Variants in CMIP observed in about 807,000 individuals in gnomAD.
CMIP encodes c-Maf inducing protein.
A neutral mutation model predicts 97.3 loss-of-function variants in CMIP; 13 were observed. The ratio of observed to expected loss-of-function variants is 0.13; its 90% CI spans 0.09 to 0.21. CMIP has a LOEUF of 0.21. CMIP is among the 10% of genes least tolerant of loss of function. The pLI, the probability that CMIP is intolerant of heterozygous loss-of-function variation, is 1.00. For missense variants in CMIP, 847 were observed against 1,024.9 expected (o/e 0.83, Z 2.37); for synonymous variants, 538 against 436.3 (o/e 1.23, Z -2.91).
rs555323270 is a variant in CMIP at position 81,651,467 on chromosome 16, G to T, written c.478-736G>T. 4.6e-5 allele frequency: 36 copies of T among 780,946 alleles called. No individual in the cohort carries two copies. In the African/African-American group the frequency reaches 6.4e-4, roughly 14 times the overall value. The allele number at this position is 780,946 out of a possible 1,614,324, so 48.4% of individuals were successfully genotyped here. On this transcript the variant is annotated intron_variant, in intron 3 of 20. Coordinates refer to ENST00000537098, the MANE Select transcript of CMIP (RefSeq NM_198390.3). ...GTCTTCCTCACCAGGTGGATGCGGA[G>T]GGCAGCGCTGGATTTCCCGGGGGAG...
intron 4 of CMIP, among the ~76,000 whole-genome samples, chr16:81,656,475 A>G (rs2092483613): frequency 6.6e-6 from 1 of 152,234 alleles, no homozygotes; most frequent in Non-Finnish European, 1.5e-5. Flanking sequence ...ACAGACAAGC[A>G]AAGCAGAACA....
Position 81,445,548 on chromosome 16 carries a change from G to A in CMIP, c.300+7G>A. 1 of 1,538,608 alleles carries A rather than the reference G, an allele frequency of 6.5e-7. No homozygotes were observed. Among genetic ancestry groups the A allele is most frequent in the Non-Finnish European group, 8.7e-7 (1 of 1,143,396 alleles). ...CAGCCTGGCGTCCGCCACGGTGAGT[G>A]GCTCTGCGCGGCTGCACCCCCGCCT... is the stretch of plus-strand genomic sequence containing the variant. On this transcript the variant is annotated splice_region_variant and intron_variant, in intron 1 of 20. Transcript: ENST00000537098.
chr16:81,651,990 T>C (rs2151006120), intron 3 of CMIP, among the ~76,000 whole-genome samples: 1 of 152,214 alleles, frequency 6.6e-6, no homozygotes, highest in East Asian at 1.9e-4. Flanking sequence ...ATGAGTCTAG[T>C]GTCAGGAGGC....
At chr16:81,506,112 C>G (rs753921548) in intron 1 of CMIP, among the ~76,000 whole-genome samples, 2 of 152,200 alleles carry the variant, frequency 1.3e-5, no homozygotes, top group African/African-American at 2.4e-5. Flanking sequence ...CTCCTGCAAC[C>G]CTAACAGGTG....
intron 1 of CMIP, among the ~76,000 whole-genome samples, chr16:81,573,980 A>G (rs147429801): frequency 3.9e-5 from 6 of 152,020 alleles, no homozygotes; most frequent in African/African-American, 1.2e-4. Flanking sequence ...ACCCAAGCCT[A>G]GGCTTGACCC....
chr16:81,598,757 A>T (rs1160478313), intron 1 of CMIP, among the ~76,000 whole-genome samples: 1 of 152,170 alleles, frequency 6.6e-6, no homozygotes, highest in Non-Finnish European at 1.5e-5. Flanking sequence ...ACCTGAGGTC[A>T]GGCGTTTGAG....
intron 1 of CMIP, among the ~76,000 whole-genome samples, chr16:81,544,865 G>A (rs1346070500): frequency 1.3e-5 from 2 of 152,012 alleles, no homozygotes; most frequent in African/African-American, 4.8e-5. Context: ...CGGTTTCTGG[G>A]GTTGAGTAAC....
chr16:81,525,977 C>CGT lies in CMIP; in HGVS notation c.300+80465_300+80466dup, dbSNP rs57103908. Among the ~76,000 whole-genome samples the CGT allele has an allele frequency of 8.0e-5, 12 of 150,062 alleles. No individual in the cohort carries two copies. In the East Asian group the frequency reaches 1.4e-3, roughly 17 times the overall value. ...TTTGTTTAAAGGTTGACTAATAATA[C>CGT]GTGTGTGTGTGTGTGTGTGTGTGTG... On this transcript the variant is annotated intron_variant, in intron 1 of 20. Coordinates refer to ENST00000537098, the MANE Select transcript of CMIP (RefSeq NM_198390.3).
chr16:81,493,280 T>C (rs2089433430), intron 1 of CMIP, among the ~76,000 whole-genome samples: 1 of 152,142 alleles, frequency 6.6e-6, no homozygotes, highest in Non-Finnish European at 1.5e-5. Flanking sequence ...GGAGCTGGAC[T>C]GGGGCCATCT....
In CMIP at chr16:81,445,553, T is replaced by C; in HGVS notation, c.300+12T>C. On this transcript the variant is annotated intron_variant, in intron 1 of 20. Transcript: ENST00000537098. Reference sequence around the variant, plus strand: ...TGGCGTCCGCCACGGTGAGTGGCTCTGCGCGGCTGCACCCCCGCCTCTCCT... The same window carrying C: ...TGGCGTCCGCCACGGTGAGTGGCTCCGCGCGGCTGCACCCCCGCCTCTCCT... The C allele has an allele frequency of 6.5e-7, 1 of 1,536,304 alleles. No individual in the cohort carries two copies. The highest frequency in any genetic ancestry group is 2.5e-5 in the East Asian group (1 of 40,780).
intron 1 of CMIP, among the ~76,000 whole-genome samples, chr16:81,476,826 C>A (rs1907952915): frequency 6.6e-6 from 1 of 152,148 alleles, no homozygotes; most frequent in Non-Finnish European, 1.5e-5. Context: ...TTTCCTGTTT[C>A]TTCTCCCTCC....
intron 1 of CMIP, among the ~76,000 whole-genome samples, chr16:81,603,795 G>C (rs918986759): frequency 6.6e-6 from 1 of 152,186 alleles, no homozygotes; most frequent in African/African-American, 2.4e-5. Flanking sequence ...TATGGGTTTG[G>C]GGAGGAAGAC....
intron 1 of CMIP, among the ~76,000 whole-genome samples, chr16:81,565,385 G>A (rs1197829427): frequency 2.0e-5 from 3 of 152,204 alleles, no homozygotes; most frequent in Non-Finnish European, 2.9e-5. Context: ...GTGGGCAGGG[G>A]CCAGAGCCTG....
rs1002166389 is a variant in CMIP at position 81,658,022 on chromosome 16, G to A, written c.681+206G>A. On this transcript the variant is annotated intron_variant, in intron 5 of 20. Transcript: ENST00000537098. ...AGTTGATAGGAGCGGGAGTGTAATT[G>A]TCTGTCTTTGAGGTTTGTAGCAAAT... 8.1e-3 allele frequency among the ~76,000 whole-genome samples: 1,238 copies of A among 152,270 alleles called. 15 individuals carry two copies. Among genetic ancestry groups the A allele is most frequent in the African/African-American group, 0.027 (1,122 of 41,530 alleles).
At chr16:81,615,956 T>C (rs1015374456) in intron 2 of CMIP, among the ~76,000 whole-genome samples, 3 of 151,918 alleles carry the variant, frequency 2.0e-5, no homozygotes, top group Non-Finnish European at 4.4e-5. Flanking sequence ...GCAGCCAGCC[T>C]AAACGGGGGT....
intron 1 of CMIP, chr16:81,606,918 G>A (rs2091753081): frequency 6.5e-6 from 1 of 154,906 alleles, no homozygotes; most frequent in Admixed American, 6.5e-5. Flanking sequence ...CTGGGACAAG[G>A]AGCCGGCTGA....
intron 1 of CMIP, among the ~76,000 whole-genome samples, chr16:81,509,170 G>A (rs1282812762): frequency 6.6e-6 from 1 of 152,204 alleles, no homozygotes; most frequent in East Asian, 1.9e-4. Flanking sequence ...AACACCGTGT[G>A]CTCCCCGTGT....
At chr16:81,587,946 C>T (rs1336182688) in intron 1 of CMIP, among the ~76,000 whole-genome samples, 1 of 152,212 alleles carries the variant, frequency 6.6e-6, no homozygotes, top group African/African-American at 2.4e-5. Flanking sequence ...TGGAAGCCTG[C>T]AGCCCCCAGG....
At chr16:81,455,443 A>T (rs575857733) in intron 1 of CMIP, among the ~76,000 whole-genome samples, 19 of 152,316 alleles carry the variant, frequency 1.2e-4, no homozygotes, top group African/African-American at 4.6e-4. Context: ...GTCCTGTTGG[A>T]AGGGGAGAGG....
Sources: gnomAD v4.1 joint callset for allele counts (sites outside exome capture counted in the v4.1 genomes callset) on GRCh38, gnomAD v4.1.1 for gene constraint, MANE v1.5 for transcripts, NCBI Gene and HGNC (gene_info 2026-07-23, HGNC 2026-07-21) for gene names.